C12orf43: variants seen among roughly 807,000 people sequenced by gnomAD.
C12orf43 encodes the protein chromosome 12 open reading frame 43, also known as protein CUSTOS.
In C12orf43, 15 loss-of-function variants were observed where a neutral mutation model predicts 20.6. The observed-to-expected ratio is 0.73, with a 90% CI of 0.49 to 1.12. The LOEUF (loss-of-function observed/expected upper bound fraction) is 1.12, where lower values mean the gene tolerates loss of function less well. C12orf43 is among the 50% of genes most tolerant of loss of function. C12orf43 has a pLI of 0.00. For missense variants in C12orf43, 334 were observed against 344.4 expected (o/e 0.97, Z 0.24); for synonymous variants, 144 against 130.8 (o/e 1.10, Z -0.69).
At chr12:121,015,165 A>C (rs1868788835) in intron 1 of C12orf43, among the ~76,000 whole-genome samples, 1 of 152,160 alleles carries the variant, frequency 6.6e-6, no homozygotes, top group African/African-American at 2.4e-5. Context: ...GTACAGTGAG[A>C]TTTAAGTACT....
In C12orf43 at chr12:121,006,294, T is replaced by C. The variant is rs372566778; in HGVS notation, c.361+27A>G. ...CACACATTAGGTGCTTAATAAATGATAGCTTCTATTAAGTATAACCACTCA... is the reference window on the plus strand; with the variant it reads ...CACACATTAGGTGCTTAATAAATGACAGCTTCTATTAAGTATAACCACTCA... On this transcript the variant is annotated intron_variant, in intron 4 of 5. Transcript: ENST00000288757. The C allele has an allele frequency of 1.1e-5, 18 of 1,589,610 alleles. No individual in the cohort carries two copies. In the Middle Eastern group the frequency reaches 6.6e-4, roughly 58 times the overall value.
At position 121,002,086 on chromosome 12, in the gene C12orf43, G is replaced by A. The variant is rs1024233382; in HGVS notation, c.*2067C>T. 4 of 535,764 alleles carry A rather than the reference G, an allele frequency of 7.5e-6. No homozygotes were observed. Among genetic ancestry groups the A allele is most frequent in the African/African-American group, 7.4e-5 (4 of 53,892 alleles). 33.2% of individuals were successfully genotyped at this position (535,764 alleles called of 1,614,324 possible). ...GCCCTGCAGACCCTGCCCTTGTTTG[G>A]GGCAGGAGTAGCTGAGCTCACAAGG... On this transcript the variant is annotated 3_prime_UTR_variant, in exon 6 of 6. Transcript: ENST00000288757.
rs1381409974 is a variant in C12orf43, at chr12:121,007,073, GCT to G, written c.288-681_288-680del. On this transcript the variant is annotated intron_variant, in intron 3 of 5. Coordinates refer to ENST00000288757, the MANE Select transcript of C12orf43 (RefSeq NM_022895.3). The stretch of plus-strand genomic sequence containing the variant: ...TTGTTAGAGAGAGGGCATACATTTT[GCT>G]CTGAGCTTCCTAGCAGCAAGCATGA... The G allele has an allele frequency of 9.8e-5, 15 of 152,328 alleles. No individual in the cohort carries two copies. In the South Asian group the frequency reaches 1.0e-3, roughly 11 times the overall value. 9.4% of individuals were successfully genotyped at this position (152,328 alleles called of 1,614,324 possible).
chr12:121,004,451 G>A lies in C12orf43; in HGVS notation c.491C>T (p.Ala164Val), dbSNP rs769598227. The A allele has an allele frequency of 6.2e-7, 1 of 1,610,164 alleles. No homozygotes were observed. Among genetic ancestry groups the A allele is most frequent in the Admixed American group, 1.7e-5 (1 of 59,908 alleles). Residue 164 changes from alanine (A) to valine (V), a missense_variant, in exon 6 of 6, where the codon GCA becomes GTA. Ala to Val is a moderately conservative substitution (Grantham distance 64, BLOSUM62 0). Transcript: ENST00000288757. This position sits in a 1 kb window ranked among gnomAD's most constrained non-coding sequence, Gnocchi z 5.6. ...SDEEWRRCRE[A>V]AVSASDILQE... is the part of the protein sequence containing the mutation. ...TAGGATGTCGGACGCCGACACAGCT[G>A]CCTCCCGGCACCGCCGCCACTCCTC...
At chr12:121,016,153 G>T in intron 1 of C12orf43, 177 bp downstream of exon 1, 2 of 973,016 alleles carry the variant, frequency 2.1e-6, no homozygotes, top group Non-Finnish European at 3.2e-6. Context: ...CTGGAATAAT[G>T]AAATACCCTC....
In C12orf43 at chr12:121,000,508, C is replaced by T. The variant is rs1169306; in HGVS notation, c.*3645G>A. On this transcript the variant is annotated 3_prime_UTR_variant, in exon 6 of 6. Coordinates refer to ENST00000288757, the MANE Select transcript of C12orf43 (RefSeq NM_022895.3). ...GGGTTCTCCAGGAACACAGAACCAA[C>T]AGATTTATTTGAAGGACTTGGCCCG... 0.32 allele frequency: 58,020 copies of T among 179,720 alleles called. 10,655 individuals are homozygous for T. The highest frequency in any genetic ancestry group is 0.57 in the Middle Eastern group (209 of 368). 11.1% of individuals were successfully genotyped at this position (179,720 alleles called of 1,614,324 possible). A position where few individuals can be genotyped will look rare whatever the true frequency, so the allele number is the denominator to read the frequency against.
In C12orf43 at chr12:121,010,845, C is replaced by T. The variant is rs1193543162; in HGVS notation, c.270G>A (p.Leu90=). The T allele has an allele frequency of 1.2e-6, 2 of 1,611,688 alleles. No individual in the cohort carries two copies. The highest frequency in any genetic ancestry group is 8.5e-7 in the Non-Finnish European group (1 of 1,178,412). The change falls in exon 3 of 6, where the codon CTG becomes CTA. Residue 90 remains leucine (L), a synonymous_variant. Coordinates refer to ENST00000288757, the MANE Select transcript of C12orf43 (RefSeq NM_022895.3). ...TTGTTTACCTGTCCAGCAGGGCTCC[C>T]AGCTTCTTGGCTACGTGGGCTCGGA... ...PEFRAHVAKK[L]GALLDSFITI... is the part of the protein sequence containing the mutation.
At position 121,016,422 on chromosome 12, in the gene C12orf43, CTACTGCTGT is replaced by C; in HGVS notation, c.44_52del (p.Asn15_Ser17del). 1 of 1,614,060 alleles carries C rather than the reference CTACTGCTGT, an allele frequency of 6.2e-7. No individual in the cohort carries two copies. ...GCACCGCTCCAGCTCCTCCGCATCGCTACTGCTGTTACTACTTTCCGAATCGCTCACTGT... is the reference window on the plus strand; with the variant it reads ...GCACCGCTCCAGCTCCTCCGCATCGCTACTACTTTCCGAATCGCTCACTGT... On this transcript the variant is annotated inframe_deletion, in exon 1 of 6. Coordinates refer to ENST00000288757, the MANE Select transcript of C12orf43 (RefSeq NM_022895.3).
chr12:121,016,157 T>C (rs1868887014), intron 1 of C12orf43, 173 bp downstream of exon 1: 4 of 979,620 alleles, frequency 4.1e-6, no homozygotes, highest in Admixed American at 4.0e-5. Context: ...AATAATGAAA[T>C]ACCCTCCCTA....
chr12:121,009,525 C>A (rs1016851965), intron 3 of C12orf43, among the ~76,000 whole-genome samples: 1 of 151,988 alleles, frequency 6.6e-6, no homozygotes, highest in Admixed American at 6.6e-5. Flanking sequence ...GTGATTAGGT[C>A]GGGAGGGTGG....
At chr12:121,015,455 A>C (rs143345163) in intron 1 of C12orf43, among the ~76,000 whole-genome samples, 1,620 of 152,344 alleles carry the variant, frequency 0.011, 8 homozygotes, top group Non-Finnish European at 0.018. Context: ...TCTCAGAGCA[A>C]TGTTTTAAAT....
Position 121,016,366 on chromosome 12 carries a change from C to T in C12orf43, c.109G>A (p.Glu37Lys). 6.2e-7 allele frequency: 1 copy of T among 1,613,848 alleles called. No homozygotes were observed. Among genetic ancestry groups the T allele is most frequent in the Non-Finnish European group, 8.5e-7 (1 of 1,180,038 alleles). The part of the protein sequence containing the change: ...REAAMPAWGL[E>K]QRPHVAGKPR... ...TTCCCTGCCACGTGCGGGCGTTGCT[C>T]CAAGCCCCAAGCCGGCATTGCCGCC... is the stretch of plus-strand genomic sequence containing the variant. Residue 37 changes from glutamate to lysine, a missense_variant, in exon 1 of 6, where the codon GAG becomes AAG. Coordinates refer to ENST00000288757, the MANE Select transcript of C12orf43 (RefSeq NM_022895.3).
chr12:121,004,450 T>TGCCTCCCGGCACCGCC lies in C12orf43; in HGVS notation c.476_491dup (p.Ser167ProfsTer64). The TGCCTCCCGGCACCGCC allele has an allele frequency of 7.4e-6, 12 of 1,610,780 alleles. No homozygotes were observed. The highest frequency in any genetic ancestry group is 8.5e-6 in the Non-Finnish European group (10 of 1,178,704). ...GTAGGATGTCGGACGCCGACACAGC[T>TGCCTCCCGGCACCGCC]GCCTCCCGGCACCGCCGCCACTCCT... On this transcript the variant is annotated frameshift_variant, in exon 6 of 6. Coordinates refer to ENST00000288757, the MANE Select transcript of C12orf43 (RefSeq NM_022895.3). LOFTEE classifies it low-confidence loss of function (END_TRUNC). This position sits in a 1 kb window ranked among gnomAD's most constrained non-coding sequence, Gnocchi z 5.6.
In C12orf43 at chr12:121,002,457, G is replaced by T. The variant is rs1051565510; in HGVS notation, c.*1696C>A. ...CCCCCTGCAGCTTGTAGCCAGCCGG[G>T]GCGAGTGGCACGTTTATTTAACTTT... On this transcript the variant is annotated 3_prime_UTR_variant, in exon 6 of 6. Transcript: ENST00000288757. 13 of 529,100 alleles carry T rather than the reference G, an allele frequency of 2.5e-5. No homozygotes were observed. Among genetic ancestry groups the T allele is most frequent in the Non-Finnish European group, 4.4e-5 (12 of 272,188 alleles). 32.8% of individuals were successfully genotyped at this position (529,100 alleles called of 1,614,324 possible). A position where few individuals can be genotyped will look rare whatever the true frequency, so the allele number is the denominator to read the frequency against.
rs1313535587 is a variant in C12orf43 at position 121,004,079 on chromosome 12, G to A, written c.*74C>T. ...AACTTGGAGAGGGAGGTGGGGCTTG[G>A]AAATGCCTTGTCCCCAGGGTGGGGG... On this transcript the variant is annotated 3_prime_UTR_variant, in exon 6 of 6. Transcript: ENST00000288757. The surrounding 1 kb of genome is among the most constrained non-coding windows in gnomAD (Gnocchi z 5.6). 6.6e-6 allele frequency: 10 copies of A among 1,513,878 alleles called. No individual in the cohort carries two copies. The highest frequency in any genetic ancestry group is 9.2e-6 in the Non-Finnish European group (10 of 1,089,712). The allele number at this position is 1,513,878 out of a possible 1,614,324, so 93.8% of individuals were successfully genotyped here. A position where few individuals can be genotyped will look rare whatever the true frequency, so the allele number is the denominator to read the frequency against.
intron 1 of C12orf43, among the ~76,000 whole-genome samples, chr12:121,015,299 G>C (rs974704979): frequency 2.6e-5 from 4 of 152,180 alleles, no homozygotes; most frequent in Non-Finnish European, 5.9e-5. Flanking sequence ...GCTACCTACA[G>C]GAAGTGCAGT....
At chr12:121,013,686 G>A (rs567409687) in intron 1 of C12orf43, among the ~76,000 whole-genome samples, 3 of 152,128 alleles carry the variant, frequency 2.0e-5, no homozygotes, top group Non-Finnish European at 4.4e-5. Context: ...GTCTCTAGAG[G>A]TTACATAAAT....
chr12:121,011,540 T>C (rs1179344936), intron 1 of C12orf43, among the ~76,000 whole-genome samples: 3 of 151,708 alleles, frequency 2.0e-5, no homozygotes, highest in Non-Finnish European at 2.9e-5. Context: ...ATATAACACA[T>C]ATAACTCAGT....
chr12:121,000,542 G>T lies in C12orf43; in HGVS notation c.*3611C>A. The T allele has an allele frequency of 5.0e-6, 1 of 201,444 alleles. No individual in the cohort carries two copies. Among genetic ancestry groups the T allele is most frequent in the Non-Finnish European group, 1.0e-5 (1 of 97,954 alleles). 12.5% of individuals were successfully genotyped at this position (201,444 alleles called of 1,614,324 possible). A position where few individuals can be genotyped will look rare whatever the true frequency, so the allele number is the denominator to read the frequency against. ...TTGAAGGACTTGGCCCGTGTCTGCGGGGGGCTGGCAGGCCTGAAATCTGTT... is the reference window on the plus strand; with the variant it reads ...TTGAAGGACTTGGCCCGTGTCTGCGTGGGGCTGGCAGGCCTGAAATCTGTT... On this transcript the variant is annotated 3_prime_UTR_variant, in exon 6 of 6. Coordinates refer to ENST00000288757, the MANE Select transcript of C12orf43 (RefSeq NM_022895.3).
Sources: gnomAD v4.1 joint callset for allele counts (sites outside exome capture counted in the v4.1 genomes callset) on GRCh38, gnomAD v4.1.1 for gene constraint, Gnocchi (gnomAD v3.1) non-coding constraint, MANE v1.5 for transcripts, NCBI Gene and HGNC (gene_info 2026-07-23, HGNC 2026-07-21) for gene names.